ASAP1: variants seen among roughly 807,000 people sequenced by gnomAD.
ASAP1 encodes arf-GAP with SH3 domain, ANK repeat and PH domain-containing protein 1.
In ASAP1, 43 loss-of-function variants were observed where a neutral mutation model predicts 145.2. The observed-to-expected ratio is 0.30, with a 90% CI of 0.23 to 0.38. The LOEUF is 0.38. Among genes scored for constraint, ASAP1 ranks in the 10% least tolerant of loss-of-function variants. The pLI is 1.00. For missense variants in ASAP1, 1,018 were observed against 1,355.3 expected (o/e 0.75, Z 3.91); for synonymous variants, 546 against 515.5 (o/e 1.06, Z -0.80).
chr8:130,065,465 G>A (rs1202927758), intron 27 of ASAP1, among the ~76,000 whole-genome samples: 1 of 152,156 alleles, frequency 6.6e-6, no homozygotes, highest in Non-Finnish European at 1.5e-5. Flanking sequence ...AAACCCACAA[G>A]ATGGGAAAAG....
Position 130,165,347 on chromosome 8 carries a change from A to C in ASAP1, c.909+2189T>G, listed in dbSNP as rs137891870. Among the ~76,000 whole-genome samples the C allele has an allele frequency of 5.0e-3, 763 of 152,272 alleles. 7 individuals are homozygous for C. Among genetic ancestry groups the C allele is most frequent in the African/African-American group, 0.018 (734 of 41,558 alleles). On this transcript the variant is annotated intron_variant, in intron 11 of 29. Transcript: ENST00000518721. ...TACAGTAAGTAAAACAACAATAAAC[A>C]AAAAAACCCCAAAAAACCTCACAAT...
chr8:130,221,422 G>A (rs1817288625), intron 4 of ASAP1, among the ~76,000 whole-genome samples: 1 of 152,152 alleles, frequency 6.6e-6, no homozygotes. Context: ...GAGATGAAAT[G>A]TCAGTACCAA....
chr8:130,156,105 C>T (rs949490461), intron 12 of ASAP1, among the ~76,000 whole-genome samples: 9 of 152,134 alleles, frequency 5.9e-5, no homozygotes, highest in African/African-American at 1.9e-4. Context: ...TCAATAATTG[C>T]CTCTGGTCCA....
intron 3 of ASAP1, among the ~76,000 whole-genome samples, chr8:130,256,775 A>ATG (rs1210176952): frequency 8.0e-6 from 1 of 125,070 alleles, no homozygotes; most frequent in Non-Finnish European, 1.7e-5. Context: ...ATATATATAT[A>ATG]TATATATCCT....
intron 26 of ASAP1, among the ~76,000 whole-genome samples, chr8:130,077,377 C>G (rs2097465084): frequency 6.6e-6 from 1 of 152,136 alleles, no homozygotes; most frequent in Admixed American, 6.6e-5. Flanking sequence ...TTTTCTTTAA[C>G]AAGAGGTTTT....
At chr8:130,300,153 C>CACACACACACACAGAG (rs1196584279) in intron 3 of ASAP1, among the ~76,000 whole-genome samples, 9 of 76,922 alleles carry the variant, frequency 1.2e-4, no homozygotes, top group Admixed American at 1.5e-4. Context: ...CACACACACA[C>CACACACACACACAGAG]AGAGAGAGAG....
intron 13 of ASAP1, among the ~76,000 whole-genome samples, chr8:130,141,423 A>G (rs1586424112): frequency 6.6e-6 from 1 of 151,988 alleles, no homozygotes; most frequent in African/African-American, 2.4e-5. Flanking sequence ...ACTCTCATCA[A>G]TCAGCACCTC....
At position 130,312,503 on chromosome 8, in the gene ASAP1, T is replaced by C. The variant is rs1399477129; in HGVS notation, c.186+45514A>G. ...GTTTTAAAAAAAATACTGCAACCCGTAGCAACTCCAGGGGGCCTTCTCTCC... is the reference window on the plus strand; with the variant it reads ...GTTTTAAAAAAAATACTGCAACCCGCAGCAACTCCAGGGGGCCTTCTCTCC... On this transcript the variant is annotated intron_variant, in intron 3 of 29. Coordinates refer to ENST00000518721, the MANE Select transcript of ASAP1 (RefSeq NM_018482.4). Among the ~76,000 whole-genome samples the C allele has an allele frequency of 2.6e-5, 4 of 152,202 alleles. No individual in the cohort carries two copies. The East Asian group carries it at 5.8e-4, about 22-fold the overall frequency.
At chr8:130,432,159 G>C (rs1288687461) in intron 1 of ASAP1, among the ~76,000 whole-genome samples, 1 of 143,212 alleles carries the variant, frequency 7.0e-6, no homozygotes, top group Non-Finnish European at 1.5e-5. Context: ...GGCAGGAGGA[G>C]GGGAGGAGGG....
chr8:130,187,376 T>C, intron 6 of ASAP1, 91 bp from the exon 7 acceptor site: 1 of 1,102,564 alleles, frequency 9.1e-7, no homozygotes, highest in Non-Finnish European at 1.3e-6. Flanking sequence ...AAGAATTGTT[T>C]CCTTTATAGG....
chr8:130,291,735 G>A (rs1245751291), intron 3 of ASAP1, among the ~76,000 whole-genome samples: 1 of 152,208 alleles, frequency 6.6e-6, no homozygotes, highest in Non-Finnish European at 1.5e-5. Flanking sequence ...AGCAAGGAGA[G>A]AGATTCACTC....
intron 26 of ASAP1, 70 bp from the exon 27 acceptor site, chr8:130,076,476 T>A (rs2097462567): frequency 8.8e-7 from 1 of 1,135,336 alleles, no homozygotes; most frequent in African/African-American, 1.6e-5. Flanking sequence ...ATTATTCAAG[T>A]AAATCAAATC....
At chr8:130,117,275 T>C (rs558655937) in intron 20 of ASAP1, among the ~76,000 whole-genome samples, 4 of 152,326 alleles carry the variant, frequency 2.6e-5, no homozygotes, top group African/African-American at 4.8e-5. Context: ...TAAATACTAA[T>C]AATAACCGCT....
At chr8:130,300,153 C>CACAGAGAGAGAG (rs1196584279) in intron 3 of ASAP1, among the ~76,000 whole-genome samples, 66 of 76,912 alleles carry the variant, frequency 8.6e-4, no homozygotes, top group South Asian at 4.4e-3. Context: ...CACACACACA[C>CACAGAGAGAGAG]AGAGAGAGAG....
chr8:130,251,522 A>G (rs568767568), intron 3 of ASAP1, among the ~76,000 whole-genome samples: 14 of 152,156 alleles, frequency 9.2e-5, no homozygotes, highest in Admixed American at 2.0e-4. Flanking sequence ...AGGTCTGACA[A>G]TTTTCTGATG....
At chr8:130,190,946 G>A (rs36004574) in intron 5 of ASAP1, among the ~76,000 whole-genome samples, 26,622 of 152,114 alleles carry the variant, frequency 0.18, 2,960 homozygotes, top group East Asian at 0.43. Context: ...AACCTCGATG[G>A]GGACAGGGAC....
intron 1 of ASAP1, among the ~76,000 whole-genome samples, chr8:130,413,613 T>C (rs530779906): frequency 3.7e-4 from 57 of 152,280 alleles, no homozygotes; most frequent in Non-Finnish European, 6.5e-4. Context: ...GACTGTAAGT[T>C]TGAAAAATGA....
chr8:130,342,993 T>C (rs1422316776), intron 3 of ASAP1, among the ~76,000 whole-genome samples: 1 of 152,174 alleles, frequency 6.6e-6, no homozygotes, highest in Non-Finnish European at 1.5e-5. Context: ...GAAAGATACT[T>C]ACTAAGCCAA....
intron 3 of ASAP1, among the ~76,000 whole-genome samples, chr8:130,348,882 C>G (rs1565233019): frequency 6.6e-6 from 1 of 152,268 alleles, no homozygotes; most frequent in East Asian, 1.9e-4. Flanking sequence ...ATAATAAATA[C>G]CTGCATTTAT....
Sources: gnomAD v4.1 joint callset for allele counts (sites outside exome capture counted in the v4.1 genomes callset) on GRCh38, gnomAD v4.1.1 for gene constraint, MANE v1.5 for transcripts, NCBI Gene and HGNC (gene_info 2026-07-23, HGNC 2026-07-21) for gene names.